The following KALRN variants were observed in gnomAD, a reference collection of about 807,000 sequenced individuals.
KALRN encodes the protein kalirin.
KALRN carries 70 observed loss-of-function variants against 353.7 expected under a neutral mutation model. The ratio of observed to expected loss-of-function variants is 0.20; its 90% CI spans 0.16 to 0.24. The LOEUF (loss-of-function observed/expected upper bound fraction) is 0.24, where lower values mean the gene tolerates loss of function less well. KALRN is among the 10% of genes least tolerant of loss of function. The probability of loss-of-function intolerance (pLI) is 1.00; values close to 1 mark genes in which losing one functional copy is unlikely to be tolerated. For missense variants in KALRN, 2,791 were observed against 3,756.7 expected (o/e 0.74, Z 6.72); for synonymous variants, 1,391 against 1,434.8 (o/e 0.97, Z 0.69).
At position 124,650,857 on chromosome 3, in the gene KALRN, G is replaced by T; in HGVS notation, c.5714G>T (p.Cys1905Phe). The change falls in exon 38 of 60, where the codon TGC becomes TTC. Residue 1905 changes from cysteine (C) to phenylalanine (F), a missense_variant. By Grantham distance (205) the Cys-to-Phe change is radical. This residue lies in a region of KALRN where 1,065 missense variants were observed against 1,156.4 expected (regional missense o/e 0.92). Coordinates refer to ENST00000682506, the MANE Select transcript of KALRN (RefSeq NM_001388419.1). The part of the protein sequence containing the change: ...YRGSLKDPAG[C>F]LNEGMAPPTP... ...GGGAGCTTGAAAGACCCTGCAGGCTGCCTGAATGAGGGGATGGCCCCACCC... is the reference window on the plus strand; with the variant it reads ...GGGAGCTTGAAAGACCCTGCAGGCTTCCTGAATGAGGGGATGGCCCCACCC... 1 of 1,614,094 alleles carries T rather than the reference G, an allele frequency of 6.2e-7. No homozygotes were observed. The highest frequency in any genetic ancestry group is 8.5e-7 in the Non-Finnish European group (1 of 1,179,940).
At chr3:124,687,148 G>A (rs747955444) in intron 51 of KALRN, among the ~76,000 whole-genome samples, 10 of 152,086 alleles carry the variant, frequency 6.6e-5, no homozygotes, top group African/African-American at 1.9e-4. Context: ...ACATAGCTCC[G>A]AAGACTCTGG....
chr3:124,041,312 C>T (rs1354109354), intron 1 of KALRN, among the ~76,000 whole-genome samples: 1 of 152,170 alleles, frequency 6.6e-6, no homozygotes, highest in Non-Finnish European at 1.5e-5. Flanking sequence ...CCCAACCCTT[C>T]CCTTATAGAG....
chr3:124,724,187 A>T lies in KALRN; in HGVS notation c.*4717A>T, dbSNP rs2063391797. 4 of 152,196 alleles carry T rather than the reference A, an allele frequency of 2.6e-5. No individual in the cohort carries two copies. Among genetic ancestry groups the T allele is most frequent in the Admixed American group, 2.6e-4 (4 of 15,276 alleles). The allele number at this position is 152,196 out of a possible 1,614,324, so 9.4% of individuals were successfully genotyped here. A position where few individuals can be genotyped will look rare whatever the true frequency, so the allele number is the denominator to read the frequency against. ...TTTGTGAGAATATGAGGGAGCAAAT[A>T]TGATATAAACTAAATTTTGCATTAA... On this transcript the variant is annotated 3_prime_UTR_variant, in exon 60 of 60. Coordinates refer to ENST00000682506, the MANE Select transcript of KALRN (RefSeq NM_001388419.1).
intron 1 of KALRN, chr3:124,164,508 A>T (rs971839507): frequency 6.6e-6 from 1 of 152,226 alleles, no homozygotes; most frequent in Non-Finnish European, 1.5e-5. Flanking sequence ...ACATTTTGAA[A>T]TATATGCCTT....
At chr3:124,315,098 C>G (rs2078680959) in intron 6 of KALRN, among the ~76,000 whole-genome samples, 1 of 152,202 alleles carries the variant, frequency 6.6e-6, no homozygotes, top group Admixed American at 6.5e-5. Flanking sequence ...GATCACATTT[C>G]AACATGAGGT....
At chr3:124,311,747 G>C (rs942311665) in intron 6 of KALRN, among the ~76,000 whole-genome samples, 1 of 152,152 alleles carries the variant, frequency 6.6e-6, no homozygotes, top group Non-Finnish European at 1.5e-5. Context: ...AACTACCCAA[G>C]TTTCCATAAA....
rs1006397906 is a variant in KALRN at position 124,442,589 on chromosome 3, T to G, written c.3313+530T>G. ...TTGATTAAGCCTTTTAAAACTTTAG[T>G]TTCTTATTTAAAATGAGGGGAGCAT... On this transcript the variant is annotated intron_variant, in intron 19 of 59. Coordinates refer to ENST00000682506, the MANE Select transcript of KALRN (RefSeq NM_001388419.1). Among the ~76,000 whole-genome samples, 7 of 152,256 alleles carry G rather than the reference T, an allele frequency of 4.6e-5. No individual in the cohort carries two copies. The East Asian group carries it at 1.3e-3, about 29-fold the overall frequency.
At position 124,330,015 on chromosome 3, in the gene KALRN, A is replaced by G. The variant is rs200771091; in HGVS notation, c.1416+23A>G. 1,264 of 1,611,078 alleles carry G rather than the reference A, an allele frequency of 7.8e-4. 9 individuals carry two copies. The Middle Eastern group carries it at 0.015, about 19-fold the overall frequency. ...GAGGTGAGAATGGAGCAGGGCAACC[A>G]TGGTTCTTGGGCATGTCTGCATGTG... On this transcript the variant is annotated intron_variant, in intron 8 of 59. Transcript: ENST00000682506.
chr3:124,611,122 G>A (rs333328), intron 34 of KALRN, among the ~76,000 whole-genome samples: 3,750 of 152,306 alleles, frequency 0.025, 159 homozygotes, highest in African/African-American at 0.086. Context: ...GGAGGTGGGT[G>A]TTGTAGTTCT....
chr3:124,712,220 AT>A lies in KALRN; in HGVS notation c.8076-712del, dbSNP rs535979203. ...ATTGAAATTAAAAAACAAAAATCCAATTTGCAATGGCTTTACAGTCTGGCTT... is the reference window on the plus strand; with the variant it reads ...ATTGAAATTAAAAAACAAAAATCCAATTGCAATGGCTTTACAGTCTGGCTT... On this transcript the variant is annotated intron_variant, in intron 57 of 59. Transcript: ENST00000682506. 3.5e-3 allele frequency among the ~76,000 whole-genome samples: 532 copies of A among 152,248 alleles called. 6 individuals are homozygous for A. The highest frequency in any genetic ancestry group is 0.012 in the African/African-American group (509 of 41,528).
At chr3:124,502,165 A>T (rs1356347851) in intron 33 of KALRN, among the ~76,000 whole-genome samples, 1 of 152,190 alleles carries the variant, frequency 6.6e-6, no homozygotes, top group Non-Finnish European at 1.5e-5. Context: ...AGTTAGGACA[A>T]CTCAAAGGTC....
rs776800731 is a variant in KALRN at position 124,385,009 on chromosome 3, T to G, written c.1935T>G (p.Ser645=). The G allele has an allele frequency of 5.0e-6, 8 of 1,609,864 alleles. No individual in the cohort carries two copies. Among genetic ancestry groups the G allele is most frequent in the South Asian group, 3.3e-5 (3 of 90,120 alleles). The stretch of plus-strand genomic sequence containing the variant: ...AGCGGAAGCTTCTCCTGGACATGTC[T>G]GTTTCCTTCCACACACACACCAAAG... ...VEQRKLLLDM[S]VSFHTHTKEL... The change falls in exon 11 of 60, where the codon TCT becomes TCG. Residue 645 remains serine, a synonymous_variant. Coordinates refer to ENST00000682506, the MANE Select transcript of KALRN (RefSeq NM_001388419.1).
chr3:124,223,696 C>T (rs2078170507), intron 1 of KALRN, among the ~76,000 whole-genome samples: 1 of 152,144 alleles, frequency 6.6e-6, no homozygotes, highest in Admixed American at 6.5e-5. Context: ...CACAAGGCAC[C>T]CAGGTGCCCT....
At chr3:124,679,736 CTTG>C in intron 51 of KALRN, 1 of 619,472 alleles carries the variant, frequency 1.6e-6, no homozygotes, top group Non-Finnish European at 2.9e-6. Context: ...AAAACAAAAA[CTTG>C]TTATCTTGAA....
At chr3:124,129,406 G>A (rs1578376288) in intron 1 of KALRN, among the ~76,000 whole-genome samples, 1 of 152,266 alleles carries the variant, frequency 6.6e-6, no homozygotes, top group African/African-American at 2.4e-5. Context: ...TCATACTCCA[G>A]TTTGCACCCT....
intron 1 of KALRN, among the ~76,000 whole-genome samples, chr3:124,223,503 T>G (rs1479075691): frequency 2.0e-5 from 3 of 152,136 alleles, no homozygotes; most frequent in Non-Finnish European, 4.4e-5. Context: ...TTAGAACACT[T>G]ACATAGTAAC....
chr3:124,362,416 A>C (rs1009539901), intron 10 of KALRN, among the ~76,000 whole-genome samples: 2 of 152,214 alleles, frequency 1.3e-5, no homozygotes, highest in East Asian at 3.9e-4. Context: ...GGGAGCTGAG[A>C]TCTTATGGCC....
chr3:124,158,927 C>G (rs527324601), intron 1 of KALRN, among the ~76,000 whole-genome samples: 2 of 152,198 alleles, frequency 1.3e-5, no homozygotes, highest in Non-Finnish European at 2.9e-5. Context: ...ACCTCTTAGT[C>G]AAACTCCCCA....
Position 124,401,189 on chromosome 3 carries a change from G to A in KALRN, c.2346+2318G>A, listed in dbSNP as rs552322465. On this transcript the variant is annotated intron_variant, in intron 13 of 59. Coordinates refer to ENST00000682506, the MANE Select transcript of KALRN (RefSeq NM_001388419.1). ...CATTAAAATTGGATCTGGCTTAAAGGTTACGAGAGAGGAACTTGACACTTA... is the reference window on the plus strand; with the variant it reads ...CATTAAAATTGGATCTGGCTTAAAGATTACGAGAGAGGAACTTGACACTTA... Among the ~76,000 whole-genome samples, 3 of 152,312 alleles carry A rather than the reference G, an allele frequency of 2.0e-5. No individual in the cohort carries two copies. The East Asian group carries it at 5.8e-4, about 29-fold the overall frequency.
Sources: allele counts gnomAD v4.1 joint callset (sites outside exome capture counted in the v4.1 genomes callset), GRCh38; gene constraint gnomAD v4.1.1; regional missense constraint gnomAD v4.1.1; transcripts MANE v1.5; gene names NCBI Gene and HGNC (gene_info 2026-07-23, HGNC 2026-07-21).